The following YWHAE variants were observed in gnomAD, a reference collection of about 807,000 sequenced individuals.
YWHAE encodes 14-3-3 protein epsilon.
YWHAE carries 4 observed loss-of-function variants against 30.1 expected under a neutral mutation model. The ratio of observed to expected loss-of-function variants is 0.13; its 90% CI spans 0.07 to 0.30. The LOEUF is 0.30. Among genes scored for constraint, YWHAE ranks in the 10% least tolerant of loss-of-function variants. The pLI is 1.00. For missense variants in YWHAE, 121 were observed against 315.9 expected, an observed-to-expected ratio of 0.38 and a Z score of 4.68; for synonymous variants, 118 against 111.8, an observed-to-expected ratio of 1.06 and a Z score of -0.35.
chr17:1,362,392 T>C (rs531678843), intron 2 of YWHAE, among the ~76,000 whole-genome samples: 2 of 152,298 alleles, frequency 1.3e-5, no homozygotes, highest in East Asian at 3.9e-4. Flanking sequence ...CGTAAAGACA[T>C]TGCTCTAAGA....
intron 1 of YWHAE, among the ~76,000 whole-genome samples, chr17:1,394,032 G>GCTA (rs1388214465): frequency 1.3e-5 from 2 of 152,082 alleles, no homozygotes; most frequent in Non-Finnish European, 2.9e-5. Context: ...TCAAGCATAC[G>GCTA]CTACTCACCC....
At chr17:1,366,222 A>AT (rs1189108729) in intron 1 of YWHAE, among the ~76,000 whole-genome samples, 7 of 151,398 alleles carry the variant, frequency 4.6e-5, no homozygotes, top group African/African-American at 1.7e-4. Context: ...AAAAAAAAAA[A>AT]ATAGAATAAA....
intron 1 of YWHAE, among the ~76,000 whole-genome samples, chr17:1,370,166 C>CG (rs1567969692): frequency 3.7e-4 from 46 of 125,332 alleles, no homozygotes; most frequent in South Asian, 1.1e-3. Flanking sequence ...CTCGCTCTGT[C>CG]ACCAGGCTGG....
At chr17:1,399,592 G>T (rs1199873483) in intron 1 of YWHAE, 1 of 196,962 alleles carries the variant, frequency 5.1e-6, no homozygotes, top group East Asian at 1.5e-4. Context: ...TCCCTGAAAG[G>T]CGCCCGCGCT....
At chr17:1,396,671 G>C (rs1672258265) in intron 1 of YWHAE, among the ~76,000 whole-genome samples, 1 of 152,122 alleles carries the variant, frequency 6.6e-6, no homozygotes. Context: ...TGTTGCCCAG[G>C]ATGGAGTGCA....
chr17:1,351,892 A>G (rs188837868), intron 5 of YWHAE, among the ~76,000 whole-genome samples: 58 of 151,668 alleles, frequency 3.8e-4, no homozygotes, highest in African/African-American at 1.3e-3. Flanking sequence ...GGTTCAAGCA[A>G]TTCTCCTGCC....
Position 1,344,851 on chromosome 17 carries a change from C to A in YWHAE, c.*596G>T, listed in dbSNP as rs1002238709. On this transcript the variant is annotated 3_prime_UTR_variant, in exon 6 of 6. Coordinates refer to ENST00000264335, the MANE Select transcript of YWHAE (RefSeq NM_006761.5). ...TAAAGTAGGCAAGAATGAGCAGCCA[C>A]GGATTGTTGAACTGTTACCAGCACC... The A allele has an allele frequency of 4.3e-6, 1 of 233,086 alleles. No homozygotes were observed. The highest frequency in any genetic ancestry group is 8.5e-6 in the Non-Finnish European group (1 of 117,634). 14.4% of individuals were successfully genotyped at this position (233,086 alleles called of 1,614,324 possible). A position where few individuals can be genotyped will look rare whatever the true frequency, so the allele number is the denominator to read the frequency against.
chr17:1,357,053 A>C (rs1316601892), intron 4 of YWHAE, among the ~76,000 whole-genome samples: 1 of 151,314 alleles, frequency 6.6e-6, no homozygotes, highest in South Asian at 2.1e-4. Context: ...GCAGATCACG[A>C]GGTCAGGAGA....
At chr17:1,347,101 G>A (rs1011181310) in intron 5 of YWHAE, among the ~76,000 whole-genome samples, 4 of 150,694 alleles carry the variant, frequency 2.7e-5, no homozygotes, top group African/African-American at 9.8e-5. Context: ...GCCAAGAGAG[G>A]TGGATCATGA....
intron 1 of YWHAE, among the ~76,000 whole-genome samples, chr17:1,372,528 T>C (rs924710022): frequency 1.3e-5 from 2 of 152,240 alleles, no homozygotes; most frequent in African/African-American, 4.8e-5. Flanking sequence ...TTTCTACCTT[T>C]TTATTTAAAG....
intron 1 of YWHAE, among the ~76,000 whole-genome samples, chr17:1,388,196 C>T (rs1469036539): frequency 9.9e-5 from 13 of 131,234 alleles, no homozygotes; most frequent in Non-Finnish European, 4.7e-5. Flanking sequence ...CTCCTGACCT[C>T]GTGATCTGCC....
intron 1 of YWHAE, chr17:1,399,789 A>T: frequency 3.5e-5 from 3 of 85,626 alleles, no homozygotes; most frequent in South Asian, 2.4e-4. Context: ...CCGCCATTTT[A>T]CAACCAACTC....
At chr17:1,380,111 CTTTT>C (rs34413137) in intron 1 of YWHAE, among the ~76,000 whole-genome samples, 8 of 121,880 alleles carry the variant, frequency 6.6e-5, no homozygotes, top group Admixed American at 8.7e-5. Flanking sequence ...GAAGACTAGA[CTTTT>C]TTTTTTTTTT....
chr17:1,384,413 C>T (rs1032542212), intron 1 of YWHAE, among the ~76,000 whole-genome samples: 2 of 149,788 alleles, frequency 1.3e-5, no homozygotes, highest in South Asian at 2.1e-4. Flanking sequence ...TATGCTCGAC[C>T]GGGCGCGGTG....
intron 1 of YWHAE, among the ~76,000 whole-genome samples, chr17:1,379,256 G>A (rs986451682): frequency 6.6e-6 from 1 of 152,128 alleles, no homozygotes; most frequent in Non-Finnish European, 1.5e-5. Flanking sequence ...AGGATGAAGC[G>A]GGCAGGCTGC....
intron 4 of YWHAE, among the ~76,000 whole-genome samples, chr17:1,357,929 G>C (rs1413926574): frequency 1.3e-5 from 2 of 150,790 alleles, no homozygotes; most frequent in African/African-American, 4.9e-5. Flanking sequence ...TCTCCTCTCG[G>C]GGGAAAAAAA....
intron 4 of YWHAE, 110 bp from the exon 5 acceptor site, chr17:1,354,457 C>A: frequency 9.1e-7 from 1 of 1,093,344 alleles, no homozygotes; most frequent in Non-Finnish European, 1.3e-6. Context: ...GTAATAGTCA[C>A]AATGATAATG....
chr17:1,358,966 C>T (rs190466863), intron 4 of YWHAE, among the ~76,000 whole-genome samples: 16 of 151,196 alleles, frequency 1.1e-4, no homozygotes, highest in Non-Finnish European at 2.4e-4. Context: ...GAAACCCCAT[C>T]CCTACTAAAA....
intron 1 of YWHAE, among the ~76,000 whole-genome samples, chr17:1,397,062 GATA>G (rs1167184702): frequency 2.0e-5 from 3 of 151,354 alleles, no homozygotes; most frequent in Admixed American, 2.0e-4. Context: ...GCTATGCCCG[GATA>G]ATTTTTTTAT....
Sources: gnomAD v4.1 joint callset for allele counts (sites outside exome capture counted in the v4.1 genomes callset) on GRCh38, gnomAD v4.1.1 for gene constraint, MANE v1.5 for transcripts, NCBI Gene and HGNC (gene_info 2026-07-23, HGNC 2026-07-21) for gene names.